SEM1: variants seen among roughly 807,000 people sequenced by gnomAD.
The protein encoded by SEM1 is SEM1 26S proteasome subunit.
A neutral mutation model predicts 12.7 loss-of-function variants in SEM1; 3 were observed. That is an observed-to-expected ratio of 0.24 (90% CI 0.11 to 0.61). The LOEUF (loss-of-function observed/expected upper bound fraction) is 0.61, where lower values mean the gene tolerates loss of function less well. Ranked by LOEUF, SEM1 falls within the 20% of genes least tolerant of loss-of-function variation. The pLI is 0.88. For synonymous variants in SEM1, 30 were observed against 27.8 expected, an observed-to-expected ratio of 1.08 and a Z score of -0.25; for missense variants, 59 against 81.3, an observed-to-expected ratio of 0.73 and a Z score of 1.06.
At chr7:96,647,474 T>G (rs943056720) in intron 2 of SEM1, 2 of 152,198 alleles carry the variant, frequency 1.3e-5, no homozygotes, top group African/African-American at 4.8e-5. Flanking sequence ...CTTGAAAGGA[T>G]GCTAGCGATC....
intron 2 of SEM1, among the ~76,000 whole-genome samples, chr7:96,525,910 T>C (rs1289870667): frequency 1.3e-5 from 2 of 152,116 alleles, no homozygotes; most frequent in South Asian, 2.1e-4. Context: ...CCTCAGTCCA[T>C]GGAAACATGG....
intron 2 of SEM1, among the ~76,000 whole-genome samples, chr7:96,625,549 C>T (rs1251411715): frequency 2.0e-5 from 3 of 152,200 alleles, no homozygotes; most frequent in Non-Finnish European, 2.9e-5. Context: ...GAATTAAAAT[C>T]ATAAGCAAAA....
chr7:96,614,550 T>A (rs974784069), intron 2 of SEM1, among the ~76,000 whole-genome samples: 1 of 152,236 alleles, frequency 6.6e-6, no homozygotes, highest in Non-Finnish European at 1.5e-5. Context: ...CTACAACTTA[T>A]ATTTTATGCA....
chr7:96,666,046 A>T (rs894445025), intron 2 of SEM1, among the ~76,000 whole-genome samples: 1 of 152,234 alleles, frequency 6.6e-6, no homozygotes, highest in African/African-American at 2.4e-5. Flanking sequence ...AAAAGCTGTC[A>T]TTGTGAGGAA....
Position 96,642,311 on chromosome 7 carries a change from T to C in SEM1, c.171-19668A>G, listed in dbSNP as rs146537831. ...AACCAGATATTCTACCTAGAGTTTA[T>C]AGAATTTTAAATTTTCAGGTTGTAA... On this transcript the variant is annotated intron_variant, in intron 2 of 2. Transcript: ENST00000417009. Among the ~76,000 whole-genome samples the C allele has an allele frequency of 3.8e-4, 58 of 152,242 alleles. 1 individual carries two copies. The East Asian group carries it at 0.011, about 28-fold the overall frequency.
At chr7:96,509,506 ACT>A (rs1207784515) in intron 2 of SEM1, among the ~76,000 whole-genome samples, 1 of 152,042 alleles carries the variant, frequency 6.6e-6, no homozygotes, top group Non-Finnish European at 1.5e-5. Flanking sequence ...GGAAGAACAA[ACT>A]CTACAGCTTG....
intron 2 of SEM1, among the ~76,000 whole-genome samples, chr7:96,680,451 CAAT>C (rs1160197426): frequency 5.3e-5 from 8 of 152,078 alleles, no homozygotes; most frequent in Middle Eastern, 3.4e-3. Context: ...GAGAAATACA[CAAT>C]GTTACATTGT....
chr7:96,673,452 C>G, downstream of SEM1: 1 of 295,914 alleles, frequency 3.4e-6, no homozygotes, highest in Non-Finnish European at 6.6e-6. Context: ...CCACTGAACA[C>G]TGGTGACTGA....
At chr7:96,665,768 G>A (rs1789154707) in intron 2 of SEM1, among the ~76,000 whole-genome samples, 1 of 152,156 alleles carries the variant, frequency 6.6e-6, no homozygotes, top group African/African-American at 2.4e-5. Context: ...AATGTGCCTG[G>A]CAGCAAGGGT....
chr7:96,619,037 C>CT (rs1563085225), downstream of SEM1, among the ~76,000 whole-genome samples: 5 of 152,254 alleles, frequency 3.3e-5, 1 homozygote, highest in South Asian at 1.0e-3. Flanking sequence ...TTTCAGATTT[C>CT]TTTTTCATCT....
upstream of SEM1, among the ~76,000 whole-genome samples, chr7:96,498,635 G>T (rs1803389057): frequency 6.6e-6 from 1 of 152,184 alleles, no homozygotes; most frequent in African/African-American, 2.4e-5. Context: ...TACTTCAAGT[G>T]TGCCAATAAT....
intron 2 of SEM1, among the ~76,000 whole-genome samples, chr7:96,584,039 G>T (rs907412825): frequency 2.0e-5 from 3 of 151,920 alleles, no homozygotes; most frequent in Non-Finnish European, 4.4e-5. Context: ...TTGCTCGTTA[G>T]TTGATGCAGT....
downstream of SEM1, chr7:96,622,254 C>T (rs1346176910): frequency 3.7e-5 from 5 of 135,202 alleles, no homozygotes; most frequent in Admixed American, 1.1e-4. Flanking sequence ...CTCACCAGAA[C>T]ATAAAAGGAC....
chr7:96,597,662 C>T (rs968494262), intron 2 of SEM1, among the ~76,000 whole-genome samples: 1 of 135,566 alleles, frequency 7.4e-6, no homozygotes, highest in Admixed American at 8.4e-5. Context: ...ATAAATTTCT[C>T]ATATAGTATA....
chr7:96,602,117 T>G (rs1416239695), intron 2 of SEM1, among the ~76,000 whole-genome samples: 1 of 152,140 alleles, frequency 6.6e-6, no homozygotes, highest in Non-Finnish European at 1.5e-5. Flanking sequence ...TCAAAGAGGA[T>G]AGTGGATATG....
chr7:96,551,503 C>A (rs1289679216), intron 2 of SEM1, among the ~76,000 whole-genome samples: 1 of 151,844 alleles, frequency 6.6e-6, no homozygotes, highest in Non-Finnish European at 1.5e-5. Flanking sequence ...AGTTCAAGAC[C>A]AGCCTGGCCA....
intron 1 of SEM1, among the ~76,000 whole-genome samples, chr7:96,491,536 C>G (rs979754856): frequency 2.0e-5 from 3 of 152,188 alleles, no homozygotes; most frequent in African/African-American, 7.2e-5. Flanking sequence ...AAACCAAACA[C>G]AGTCAAGTGT....
At chr7:96,510,769 G>C (rs1208795916) in intron 2 of SEM1, among the ~76,000 whole-genome samples, 1 of 152,146 alleles carries the variant, frequency 6.6e-6, no homozygotes, top group African/African-American at 2.4e-5. Flanking sequence ...TATTTCTGAA[G>C]ATCAAATGAG....
At chr7:96,651,918 G>A (rs998485825) in intron 2 of SEM1, among the ~76,000 whole-genome samples, 5 of 152,146 alleles carry the variant, frequency 3.3e-5, no homozygotes, top group Admixed American at 1.3e-4. Context: ...AAATTGCACT[G>A]GCCTCAAGTC....
Sources: allele counts gnomAD v4.1 joint callset (sites outside exome capture counted in the v4.1 genomes callset), GRCh38; gene constraint gnomAD v4.1.1; transcripts MANE v1.5; gene names NCBI Gene and HGNC (gene_info 2026-07-23, HGNC 2026-07-21).